The following RBFOX2 variants were observed in gnomAD, a reference collection of about 807,000 sequenced individuals.
RBFOX2 encodes the protein RNA binding fox-1 homolog 2, also known as RNA binding protein fox-1 homolog 2.
In RBFOX2, 10 loss-of-function variants were observed where a neutral mutation model predicts 49.1. The observed-to-expected ratio is 0.20, with a 90% confidence interval of 0.13 to 0.35. The LOEUF (loss-of-function observed/expected upper bound fraction) is 0.35. RBFOX2 is among the 10% of genes least tolerant of loss of function. The pLI is 1.00. For synonymous variants in RBFOX2, 183 were observed against 187.4 expected, an observed-to-expected ratio of 0.98 and a Z score of 0.19; for missense variants, 323 against 486.9, an observed-to-expected ratio of 0.66 and a Z score of 3.17.
intron 2 of RBFOX2, among the ~76,000 whole-genome samples, chr22:35,796,410 A>C (rs976385003): frequency 1.3e-5 from 2 of 152,144 alleles, no homozygotes; most frequent in African/African-American, 4.8e-5. Flanking sequence ...GAAGACTGGC[A>C]CTCCTTTTAA....
chr22:35,913,405 A>C (rs2050044263), intron 1 of RBFOX2, among the ~76,000 whole-genome samples: 1 of 151,978 alleles, frequency 6.6e-6, no homozygotes, highest in Non-Finnish European at 1.5e-5. Context: ...GATGGCTAGG[A>C]TAATTTACAA....
chr22:35,824,918 C>A (rs112495372), intron 1 of RBFOX2, among the ~76,000 whole-genome samples: 243 of 152,320 alleles, frequency 1.6e-3, no homozygotes, highest in African/African-American at 5.7e-3. Flanking sequence ...TATCCAGCTT[C>A]ATTCAAGAAT....
At chr22:35,758,762 T>C (rs1231558653) in intron 9 of RBFOX2, among the ~76,000 whole-genome samples, 3 of 152,180 alleles carry the variant, frequency 2.0e-5, no homozygotes, top group Non-Finnish European at 4.4e-5. Flanking sequence ...CCTTGTCTAA[T>C]AAAAATGTTT....
chr22:35,783,797 G>A (rs958205550), intron 2 of RBFOX2, among the ~76,000 whole-genome samples: 2 of 152,184 alleles, frequency 1.3e-5, no homozygotes, highest in Non-Finnish European at 1.5e-5. Flanking sequence ...TTTCAAGGAC[G>A]GCCCCACACT....
upstream of RBFOX2, among the ~76,000 whole-genome samples, chr22:35,843,400 A>G (rs1449344133): frequency 6.6e-6 from 1 of 152,138 alleles, no homozygotes; most frequent in Admixed American, 6.5e-5. Context: ...TTTATTAAAT[A>G]AACAAATGAA....
At chr22:36,022,039 T>C (rs2059264771) in intron 1 of RBFOX2, among the ~76,000 whole-genome samples, 1 of 152,238 alleles carries the variant, frequency 6.6e-6, no homozygotes, top group Non-Finnish European at 1.5e-5. Context: ...TCTGTGGTTC[T>C]TCCCTCCTGC....
At chr22:35,961,683 C>A, upstream of RBFOX2, 1 of 1,303,158 alleles carries the variant, frequency 7.7e-7, no homozygotes, top group South Asian at 1.2e-5. Context: ...GGTAACCTCA[C>A]CTCCTCCTGC....
At chr22:35,939,951 T>C (rs1186917414), upstream of RBFOX2, among the ~76,000 whole-genome samples, 1 of 152,220 alleles carries the variant, frequency 6.6e-6, no homozygotes, top group Admixed American at 6.5e-5. Context: ...ACATTGCTTT[T>C]GTAATTTTCA....
chr22:35,854,316 G>C (rs1042811893), intron 1 of RBFOX2, among the ~76,000 whole-genome samples: 8 of 152,064 alleles, frequency 5.3e-5, no homozygotes, highest in African/African-American at 1.9e-4. Context: ...TGGAAGCAGT[G>C]GCTCATGCCT....
At chr22:36,013,302 G>T (rs553238187) in intron 1 of RBFOX2, among the ~76,000 whole-genome samples, 1 of 152,074 alleles carries the variant, frequency 6.6e-6, no homozygotes, top group East Asian at 1.9e-4. Flanking sequence ...CTTTAAGAAA[G>T]AATTCAAAAA....
intron 1 of RBFOX2, among the ~76,000 whole-genome samples, chr22:35,951,742 A>G (rs2054966641): frequency 6.6e-6 from 1 of 152,232 alleles, no homozygotes; most frequent in African/African-American, 2.4e-5. Context: ...ATATCACTTT[A>G]TAGTAAGGAA....
intron 1 of RBFOX2, among the ~76,000 whole-genome samples, chr22:35,894,704 G>A (rs1255516759): frequency 6.6e-6 from 1 of 152,132 alleles, no homozygotes; most frequent in Non-Finnish European, 1.5e-5. Flanking sequence ...AAGGGGATGT[G>A]GCAGTCTGTG....
At chr22:35,783,643 G>A (rs1052564184) in intron 2 of RBFOX2, among the ~76,000 whole-genome samples, 2 of 152,034 alleles carry the variant, frequency 1.3e-5, no homozygotes, top group African/African-American at 2.4e-5. Context: ...GAGAACATCC[G>A]GAATCAGAAG....
chr22:35,853,682 T>C (rs1045054850), intron 1 of RBFOX2, among the ~76,000 whole-genome samples: 12 of 151,256 alleles, frequency 7.9e-5, no homozygotes, highest in Non-Finnish European at 1.5e-4. Context: ...TGTGTGTGTG[T>C]GTGTGTGTGT....
intron 2 of RBFOX2, among the ~76,000 whole-genome samples, chr22:35,808,554 T>TAG (rs1444941680): frequency 2.0e-5 from 3 of 152,130 alleles, no homozygotes; most frequent in African/African-American, 7.2e-5. Flanking sequence ...TCTTTAGAAA[T>TAG]AGACCACACA....
intron 1 of RBFOX2, among the ~76,000 whole-genome samples, chr22:35,923,245 G>A (rs2051224961): frequency 6.6e-6 from 1 of 152,192 alleles, no homozygotes; most frequent in Non-Finnish European, 1.5e-5. Context: ...TCTGACACCA[G>A]AGTTCTTTGA....
intron 1 of RBFOX2, among the ~76,000 whole-genome samples, chr22:36,004,157 A>G (rs200560553): frequency 6.6e-6 from 1 of 151,952 alleles, no homozygotes; most frequent in Non-Finnish European, 1.5e-5. Context: ...CACTTCCCCA[A>G]CCTCCATGAC....
chr22:35,828,572 A>C (rs1400137164), intron 1 of RBFOX2, among the ~76,000 whole-genome samples: 1 of 152,200 alleles, frequency 6.6e-6, no homozygotes, highest in African/African-American at 2.4e-5. Context: ...ACCTGAAAGA[A>C]ATACAGGGAA....
intron 5 of RBFOX2, 52 bp downstream of exon 6, chr22:35,768,205 A>T: frequency 6.3e-7 from 1 of 1,584,018 alleles, no homozygotes; most frequent in Non-Finnish European, 8.7e-7. Context: ...GGCAACACGA[A>T]AAAAGAGAAA....
Sources: allele counts gnomAD v4.1 joint callset (sites outside exome capture counted in the v4.1 genomes callset), GRCh38; gene constraint gnomAD v4.1.1; transcripts MANE v1.5; gene names NCBI Gene and HGNC (gene_info 2026-07-23, HGNC 2026-07-21).